Variants in CNTN5 observed in about 807,000 individuals in gnomAD.
CNTN5 encodes the protein contactin 5.
Under a neutral mutation model 129.1 loss-of-function variants are expected in CNTN5, and 77 were observed. The ratio of observed to expected loss-of-function variants is 0.60; its 90% CI spans 0.50 to 0.72. The LOEUF (loss-of-function observed/expected upper bound fraction) is 0.72, where lower values mean the gene tolerates loss of function less well. CNTN5 is among the 30% of genes least tolerant of loss of function. CNTN5 has a pLI of 0.00. For missense variants in CNTN5, 1,478 were observed against 1,328.8 expected, an observed-to-expected ratio of 1.11 and a Z score of -1.75; for synonymous variants, 509 against 465.6, an observed-to-expected ratio of 1.09 and a Z score of -1.20.
intron 3 of CNTN5, 139 bp from the exon 4 acceptor site, chr11:99,819,405 C>T: frequency 1.6e-6 from 1 of 643,064 alleles, no homozygotes; most frequent in South Asian, 2.1e-5. Flanking sequence ...AACATTTTTT[C>T]ACACTCTCAC....
chr11:100,330,665 T>C (rs1257683126), intron 21 of CNTN5, among the ~76,000 whole-genome samples: 1 of 149,582 alleles, frequency 6.7e-6, no homozygotes, highest in East Asian at 1.9e-4. Context: ...AATTGGAGTC[T>C]TATTTTTAGC....
At chr11:99,936,584 A>G (rs752519003) in intron 7 of CNTN5, among the ~76,000 whole-genome samples, 1 of 152,234 alleles carries the variant, frequency 6.6e-6, no homozygotes, top group Non-Finnish European at 1.5e-5. Context: ...AGTCCAAACA[A>G]TATCAAATAG....
chr11:99,246,229 G>A (rs951387193), intron 1 of CNTN5, among the ~76,000 whole-genome samples: 2 of 152,000 alleles, frequency 1.3e-5, no homozygotes, highest in Admixed American at 1.3e-4. Context: ...AGCCAAATCA[G>A]GTAACGCTGT....
In CNTN5 at chr11:99,820,065, T is replaced by G. The variant is rs551276418; in HGVS notation, c.277+300T>G. ...AGATAGAGAACCTGTTTCTTGATGGTTTCATTTCAAATGGAGAGCTCCCAG... is the reference window on the plus strand; with the variant it reads ...AGATAGAGAACCTGTTTCTTGATGGGTTCATTTCAAATGGAGAGCTCCCAG... On this transcript the variant is annotated intron_variant, in intron 4 of 24. Transcript: ENST00000524871. Among the ~76,000 whole-genome samples, 269 of 152,288 alleles carry G rather than the reference T, an allele frequency of 1.8e-3. 1 individual carries two copies. Among genetic ancestry groups the G allele is most frequent in the African/African-American group, 6.3e-3 (261 of 41,552 alleles).
intron 3 of CNTN5, among the ~76,000 whole-genome samples, chr11:99,630,828 G>A (rs186225912): frequency 1.3e-5 from 2 of 151,980 alleles, no homozygotes. Flanking sequence ...CACCCTTGTG[G>A]ACCATTTGCT....
intron 2 of CNTN5, among the ~76,000 whole-genome samples, chr11:99,348,659 A>G (rs781345788): frequency 1.3e-5 from 2 of 152,206 alleles, no homozygotes; most frequent in African/African-American, 2.4e-5. Context: ...CACCAGTTAG[A>G]CATGGTCTAC....
chr11:99,401,667 T>A (rs897833903), intron 2 of CNTN5, among the ~76,000 whole-genome samples: 1 of 152,144 alleles, frequency 6.6e-6, no homozygotes, highest in African/African-American at 2.4e-5. Flanking sequence ...TAGATTGCTG[T>A]GGGTAGTATG....
intron 1 of CNTN5, among the ~76,000 whole-genome samples, chr11:99,222,305 T>A (rs72998295): frequency 6.6e-6 from 1 of 150,786 alleles, no homozygotes; most frequent in Non-Finnish European, 1.5e-5. Flanking sequence ...AAATACAATA[T>A]AAAAGGAAGG....
chr11:100,221,367 C>T (rs1470888927), intron 15 of CNTN5, among the ~76,000 whole-genome samples: 1 of 152,142 alleles, frequency 6.6e-6, no homozygotes, highest in East Asian at 1.9e-4. Context: ...CAACAAGAGC[C>T]AGCAGACACT....
intron 3 of CNTN5, among the ~76,000 whole-genome samples, chr11:99,598,537 T>C (rs1950217211): frequency 6.6e-6 from 1 of 151,430 alleles, no homozygotes; most frequent in African/African-American, 2.4e-5. Flanking sequence ...CAGAAGCCTT[T>C]TGCCTCCTTA....
At chr11:99,915,661 G>C (rs748077063) in intron 6 of CNTN5, among the ~76,000 whole-genome samples, 1 of 152,098 alleles carries the variant, frequency 6.6e-6, no homozygotes, top group East Asian at 1.9e-4. Flanking sequence ...TGAAGAAGCC[G>C]GTGGGACACC....
At chr11:99,947,353 T>TTTTG (rs1162602082) in intron 7 of CNTN5, among the ~76,000 whole-genome samples, 77 of 151,960 alleles carry the variant, frequency 5.1e-4, no homozygotes, top group African/African-American at 1.8e-3. Flanking sequence ...AGGTTTTTTT[T>TTTTG]TTTTTTAAAC....
At chr11:99,644,297 G>A (rs1264918344) in intron 3 of CNTN5, among the ~76,000 whole-genome samples, 1 of 152,132 alleles carries the variant, frequency 6.6e-6, no homozygotes, top group Non-Finnish European at 1.5e-5. Context: ...CATATGTGAA[G>A]AAGGAAAACT....
intron 20 of CNTN5, among the ~76,000 whole-genome samples, chr11:100,306,320 C>T (rs1488437148): frequency 6.6e-6 from 1 of 151,496 alleles, no homozygotes; most frequent in African/African-American, 2.4e-5. Flanking sequence ...TAAACTTGTA[C>T]AGTACTACTG....
intron 1 of CNTN5, among the ~76,000 whole-genome samples, chr11:99,149,383 A>G (rs1374210321): frequency 6.6e-6 from 1 of 152,204 alleles, no homozygotes; most frequent in African/African-American, 2.4e-5. Context: ...TTATTGAATA[A>G]TATGAAAGAA....
chr11:99,684,024 G>A (rs34795609), intron 3 of CNTN5, among the ~76,000 whole-genome samples: 7,856 of 151,674 alleles, frequency 0.052, 234 homozygotes, highest in East Asian at 0.1. Context: ...TCATCATGAG[G>A]TATAATACAT....
At chr11:99,043,284 C>G (rs1347990938) in intron 1 of CNTN5, among the ~76,000 whole-genome samples, 1 of 121,706 alleles carries the variant, frequency 8.2e-6, no homozygotes, top group African/African-American at 3.1e-5. Flanking sequence ...TCCCTCCCCC[C>G]TCCCCCCACC....
chr11:99,265,694 A>G (rs1045131088), intron 1 of CNTN5, among the ~76,000 whole-genome samples: 2 of 152,132 alleles, frequency 1.3e-5, no homozygotes, highest in South Asian at 4.1e-4. Flanking sequence ...TCATATTTAT[A>G]TTTATATATT....
intron 2 of CNTN5, among the ~76,000 whole-genome samples, chr11:99,396,695 G>A (rs1276724329): frequency 6.6e-6 from 1 of 151,588 alleles, no homozygotes; most frequent in Non-Finnish European, 1.5e-5. Flanking sequence ...TTTGTATTTA[G>A]CGGTACTATA....
Sources: gnomAD v4.1 joint callset for allele counts (sites outside exome capture counted in the v4.1 genomes callset) on GRCh38, gnomAD v4.1.1 for gene constraint, MANE v1.5 for transcripts, NCBI Gene and HGNC (gene_info 2026-07-23, HGNC 2026-07-21) for gene names.